The following ST8SIA6 variants were observed in gnomAD, a reference collection of about 807,000 sequenced individuals.
ST8SIA6 encodes ST8 alpha-N-acetyl-neuraminide alpha-2,8-sialyltransferase 6, also known as alpha-2,8-sialyltransferase 8F.
A neutral mutation model predicts 33.6 loss-of-function variants in ST8SIA6; 39 were observed. The ratio of observed to expected loss-of-function variants is 1.16; its 90% CI spans 0.90 to 1.52. The LOEUF is 1.52. Among genes scored for constraint, ST8SIA6 ranks in the 40% most tolerant of loss-of-function variants. The pLI is 0.00. For synonymous variants in ST8SIA6, 172 were observed against 167.2 expected (o/e 1.03, Z -0.22); for missense variants, 441 against 443.8 (o/e 0.99, Z 0.06).
intron 2 of ST8SIA6, among the ~76,000 whole-genome samples, chr10:17,401,439 T>A (rs1460697469): frequency 2.0e-5 from 3 of 152,194 alleles, no homozygotes; most frequent in African/African-American, 7.2e-5. Flanking sequence ...ACTTTAAAGT[T>A]CATATGGAAC....
intron 4 of ST8SIA6, among the ~76,000 whole-genome samples, chr10:17,335,043 G>A (rs75594355): frequency 0.026 from 3,997 of 152,212 alleles, 70 homozygotes; most frequent in African/African-American, 0.049. Flanking sequence ...GAATCTCCTT[G>A]TGAAAATACT....
At chr10:17,339,713 C>A (rs1429507812) in intron 4 of ST8SIA6, among the ~76,000 whole-genome samples, 1 of 151,984 alleles carries the variant, frequency 6.6e-6, no homozygotes, top group Non-Finnish European at 1.5e-5. Flanking sequence ...TCACTGCATG[C>A]TAAATATTTT....
chr10:17,405,312 A>T (rs1462526442), intron 2 of ST8SIA6, among the ~76,000 whole-genome samples: 1 of 152,080 alleles, frequency 6.6e-6, no homozygotes, highest in Non-Finnish European at 1.5e-5. Context: ...TCAAGCCTGC[A>T]GTGAGCCACG....
At chr10:17,325,908 T>A (rs1158112459) in intron 6 of ST8SIA6, among the ~76,000 whole-genome samples, 1 of 152,194 alleles carries the variant, frequency 6.6e-6, no homozygotes, top group African/African-American at 2.4e-5. Context: ...TGCTATAAAG[T>A]ATAATGAATG....
chr10:17,453,974 G>C (rs1212236266), intron 1 of ST8SIA6, among the ~76,000 whole-genome samples, 181 bp downstream of exon 1: 3 of 152,024 alleles, frequency 2.0e-5, no homozygotes, highest in Non-Finnish European at 4.4e-5. Flanking sequence ...CCACCGGTCG[G>C]AGGGTCGCCT....
chr10:17,370,242 C>T (rs539437447), intron 3 of ST8SIA6, among the ~76,000 whole-genome samples: 46 of 152,296 alleles, frequency 3.0e-4, no homozygotes, highest in African/African-American at 1.1e-3. Flanking sequence ...CTCGGCCTCT[C>T]GAAGTGCTGG....
intron 4 of ST8SIA6, among the ~76,000 whole-genome samples, chr10:17,348,946 A>G (rs1332008928): frequency 1.3e-5 from 2 of 152,066 alleles, no homozygotes; most frequent in Non-Finnish European, 2.9e-5. Flanking sequence ...CTCTGCCTGT[A>G]CTCGAGCTGA....
chr10:17,412,663 A>G (rs17141049), intron 2 of ST8SIA6, among the ~76,000 whole-genome samples: 4,650 of 152,312 alleles, frequency 0.031, 75 homozygotes, highest in South Asian at 0.055. Context: ...AGGTCTGTAG[A>G]AACTTTGACT....
chr10:17,346,368 G>A (rs1848832699), intron 4 of ST8SIA6, among the ~76,000 whole-genome samples: 1 of 152,188 alleles, frequency 6.6e-6, no homozygotes, highest in Admixed American at 6.5e-5. Context: ...ACACTTTGCT[G>A]AGGTGGCAGG....
Position 17,358,711 on chromosome 10 carries a change from AAAG to A in ST8SIA6, c.377+800_377+802del, listed in dbSNP as rs757878761. On this transcript the variant is annotated intron_variant, in intron 4 of 7. Transcript: ENST00000377602. ...AAGAGGAAAAAGGAGGAGGAGGAGG[AAAG>A]AAGAAAGAAGAAGAGGAAGAGGAAA... 1.1e-4 allele frequency among the ~76,000 whole-genome samples: 15 copies of A among 131,820 alleles called. 1 individual carries two copies. Among genetic ancestry groups the A allele is most frequent in the Admixed American group, 4.6e-4 (6 of 13,006 alleles). 86.5% of individuals were successfully genotyped at this position (131,820 alleles called of 152,430 possible). A position where few individuals can be genotyped will look rare whatever the true frequency, so the allele number is the denominator to read the frequency against.
At chr10:17,342,364 A>G (rs990677483) in intron 4 of ST8SIA6, among the ~76,000 whole-genome samples, 1 of 152,216 alleles carries the variant, frequency 6.6e-6, no homozygotes, top group Non-Finnish European at 1.5e-5. Flanking sequence ...GCACTTAACC[A>G]GTCTGGGAGT....
intron 4 of ST8SIA6, among the ~76,000 whole-genome samples, chr10:17,332,938 C>T (rs533951162): frequency 1.3e-5 from 2 of 152,144 alleles, no homozygotes; most frequent in African/African-American, 4.8e-5. Context: ...TGCTTCAGTT[C>T]CTTGTAATCC....
chr10:17,354,584 C>A (rs1588830253), intron 4 of ST8SIA6, among the ~76,000 whole-genome samples: 1 of 152,156 alleles, frequency 6.6e-6, no homozygotes, highest in Non-Finnish European at 1.5e-5. Context: ...TAACTGAGTT[C>A]AACTAGTATC....
chr10:17,367,144 G>A (rs7087741), intron 3 of ST8SIA6, among the ~76,000 whole-genome samples: 31,080 of 152,014 alleles, frequency 0.2, 3,526 homozygotes, highest in East Asian at 0.51. Flanking sequence ...TTGAAGCTTC[G>A]TGTATTAGTC....
At chr10:17,340,995 C>G (rs963369274) in intron 4 of ST8SIA6, among the ~76,000 whole-genome samples, 19 of 152,130 alleles carry the variant, frequency 1.2e-4, no homozygotes, top group African/African-American at 4.6e-4. Flanking sequence ...CTACGGGAGG[C>G]AAGGCCCAGA....
chr10:17,347,385 T>C (rs1047254599), intron 4 of ST8SIA6, among the ~76,000 whole-genome samples: 1 of 152,092 alleles, frequency 6.6e-6, no homozygotes, highest in African/African-American at 2.4e-5. Context: ...TTCAGGCCAC[T>C]GGGAGAAGGA....
chr10:17,405,493 C>CAAA (rs1851223101), intron 2 of ST8SIA6, among the ~76,000 whole-genome samples: 1 of 150,914 alleles, frequency 6.6e-6, no homozygotes, highest in Non-Finnish European at 1.5e-5. Flanking sequence ...ATATTTGAAT[C>CAAA]AAATAAACAA....
At position 17,320,750 on chromosome 10, in the gene ST8SIA6, A is replaced by G; in HGVS notation, c.*128T>C. ...GCCATCATTGCAAAATGAGTGGGGA[A>G]GCTTTGGTCAAACCAAATTTTGGGG... On this transcript the variant is annotated 3_prime_UTR_variant, in exon 8 of 8. Coordinates refer to ENST00000377602, the MANE Select transcript of ST8SIA6 (RefSeq NM_001004470.3). 1.2e-6 allele frequency: 1 copy of G among 816,876 alleles called. No homozygotes were observed. Among genetic ancestry groups the G allele is most frequent in the Non-Finnish European group, 1.9e-6 (1 of 519,332 alleles). The allele number at this position is 816,876 out of a possible 1,614,324, so 50.6% of individuals were successfully genotyped here.
intron 3 of ST8SIA6, among the ~76,000 whole-genome samples, chr10:17,381,461 C>T (rs1428834715): frequency 2.1e-5 from 3 of 143,978 alleles, no homozygotes; most frequent in African/African-American, 7.7e-5. Context: ...CACAAAAGAG[C>T]TCTAATTAAT....
Sources: allele counts gnomAD v4.1 joint callset (sites outside exome capture counted in the v4.1 genomes callset), GRCh38; gene constraint gnomAD v4.1.1; transcripts MANE v1.5; gene names NCBI Gene and HGNC (gene_info 2026-07-23, HGNC 2026-07-21).